Variants in DOCK11 observed in about 807,000 individuals in gnomAD.
The protein encoded by DOCK11 is dedicator of cytokinesis 11.
In DOCK11, 70 loss-of-function variants were observed where a neutral mutation model predicts 169.1. The ratio of observed to expected loss-of-function variants is 0.41; its 90% CI spans 0.34 to 0.51. The LOEUF is 0.51. Ranked by LOEUF, DOCK11 falls within the 20% of genes least tolerant of loss-of-function variation. The pLI is 0.10. For missense variants in DOCK11, 1,166 were observed against 1,538.8 expected, an observed-to-expected ratio of 0.76 and a Z score of 4.05; for synonymous variants, 529 against 541.3, an observed-to-expected ratio of 0.98 and a Z score of 0.32.
intron 1 of DOCK11, among the ~76,000 whole-genome samples, chrX:118,520,896 A>G (rs1041919929): frequency 8.9e-6 from 1 of 111,833 alleles, no homozygotes; most frequent in African/African-American, 3.3e-5. Flanking sequence ...TTGGAGTTCT[A>G]AGTAGTACAA....
At chrX:118,633,368 TCTC>T (rs1198801594) in intron 35 of DOCK11, 2 of 112,229 alleles carry the variant, frequency 1.8e-5, no homozygotes, top group Non-Finnish European at 3.8e-5. Context: ...AGTTGGGTAT[TCTC>T]CTGGGGAGAT....
At chrX:118,562,670 A>G (rs2012950697) in intron 7 of DOCK11, among the ~76,000 whole-genome samples, 1 of 111,858 alleles carries the variant, frequency 8.9e-6, no homozygotes, top group African/African-American at 3.3e-5. Flanking sequence ...AAAGCGTTGC[A>G]CACATATATG....
At chrX:118,565,231 GC>G (rs1407507738) in intron 7 of DOCK11, among the ~76,000 whole-genome samples, 1 of 111,179 alleles carries the variant, frequency 9.0e-6, no homozygotes, top group Non-Finnish European at 1.9e-5. Context: ...GTGGGCCACT[GC>G]CCCCATCTTT....
At chrX:118,591,139 C>T (rs1435698262) in intron 19 of DOCK11, among the ~76,000 whole-genome samples, 1 of 112,185 alleles carries the variant, frequency 8.9e-6, no homozygotes, top group Non-Finnish European at 1.9e-5. Flanking sequence ...GGTCTGAAAC[C>T]ATCCCCCCGG....
In DOCK11 at chrX:118,685,913, C is replaced by T. The variant is rs186120856; in HGVS notation, c.*106C>T. On this transcript the variant is annotated 3_prime_UTR_variant, in exon 53 of 53. Transcript: ENST00000276202. ...TTGATATACATGGAGTGTTTCTTCT[C>T]GACACCAAAATTTTCATGTGTTCCA... 172 of 1,012,685 alleles carry T rather than the reference C, an allele frequency of 1.7e-4. 1 individual carries two copies. In the South Asian group the frequency reaches 2.4e-3, roughly 14 times the overall value. The allele number at this position is 1,012,685 out of a possible 1,213,427, so 83.5% of individuals were successfully genotyped here.
intron 31 of DOCK11, among the ~76,000 whole-genome samples, chrX:118,623,906 GAAAT>G (rs1415794250): frequency 8.9e-6 from 1 of 112,561 alleles, no homozygotes; most frequent in Non-Finnish European, 1.9e-5. Flanking sequence ...GCTGAGGAAA[GAAAT>G]AAATTTGTAT....
chrX:118,637,486 G>C (rs1312674787), intron 36 of DOCK11, among the ~76,000 whole-genome samples: 1 of 112,070 alleles, frequency 8.9e-6, no homozygotes, highest in African/African-American at 3.2e-5. Flanking sequence ...CGGGCCAGGC[G>C]TGGTGGCTCA....
rs1395331993 is a variant in DOCK11 at position 118,546,232 on chromosome X, GGA to G, written c.558+120_558+121del. The G allele has an allele frequency of 1.8e-5, 5 of 281,643 alleles. No homozygotes were observed. In the African/African-American group the frequency reaches 2.3e-4, roughly 13 times the overall value. 23.2% of individuals were successfully genotyped at this position (281,643 alleles called of 1,213,427 possible). A position where few individuals can be genotyped will look rare whatever the true frequency, so the allele number is the denominator to read the frequency against. On this transcript the variant is annotated intron_variant, in intron 6 of 52. Coordinates refer to ENST00000276202, the MANE Select transcript of DOCK11 (RefSeq NM_144658.4). ...TAGCAAAAAAAAAAAAAAAAAAAAA[GGA>G]GAGGATTCTCACAGACGTATGGAAT...
Position 118,648,987 on chromosome X carries a change from G to T in DOCK11, c.4441G>T (p.Ala1481Ser), listed in dbSNP as rs1378299454. The part of the protein sequence containing the change: ...FFKGRVNMCA[A>S]FCYEVLKCCT... The stretch of plus-strand genomic sequence containing the variant: ...CAAAGGAAGAGTAAACATGTGTGCT[G>T]CATTTTGCTATGAGGTTTTAAAGTG... Residue 1481 changes from alanine to serine, a missense_variant, in exon 41 of 53, where the codon GCA becomes TCA. Physicochemically the swap from Ala to Ser is moderately conservative, Grantham distance 99. Transcript: ENST00000276202. 2.5e-6 allele frequency: 3 copies of T among 1,206,095 alleles called. No homozygotes were observed. Among genetic ancestry groups the T allele is most frequent in the Non-Finnish European group, 3.4e-6 (3 of 893,307 alleles).
At chrX:118,626,611 T>A (rs2015111966) in intron 32 of DOCK11, among the ~76,000 whole-genome samples, 1 of 111,338 alleles carries the variant, frequency 9.0e-6, no homozygotes, top group African/African-American at 3.3e-5. Context: ...AAATTCCCCC[T>A]ATGAAATGCT....
intron 1 of DOCK11, among the ~76,000 whole-genome samples, chrX:118,531,388 C>G: frequency 1.4e-5 from 1 of 70,933 alleles, no homozygotes; most frequent in Non-Finnish European, 2.4e-5. Flanking sequence ...CCAGGAGGTT[C>G]GGGGCTGCAG....
intron 1 of DOCK11, among the ~76,000 whole-genome samples, chrX:118,525,831 A>G (rs1355509902): frequency 8.9e-6 from 1 of 111,738 alleles, no homozygotes; most frequent in Non-Finnish European, 1.9e-5. Context: ...AGGAAAAAAA[A>G]AGAAAAAGAA....
chrX:118,675,826 G>A, intron 46 of DOCK11, 110 bp from the exon 47 acceptor site: 1 of 435,928 alleles, frequency 2.3e-6, no homozygotes, highest in Non-Finnish European at 3.8e-6. Flanking sequence ...GCCCCACCAA[G>A]ACCATTTTGA....
chrX:118,677,288 T>C (rs2016632847), intron 48 of DOCK11, among the ~76,000 whole-genome samples: 1 of 112,307 alleles, frequency 8.9e-6, no homozygotes, highest in Non-Finnish European at 1.9e-5. Context: ...TGAGCCTTGC[T>C]CTAAAGGTTA....
At chrX:118,652,132 T>C (rs1312720768) in intron 42 of DOCK11, 55 bp downstream of exon 42, 2 of 752,506 alleles carry the variant, frequency 2.7e-6, no homozygotes, top group Non-Finnish European at 4.0e-6. Context: ...CAGGGAAGTT[T>C]AAACTCTTAA....
At chrX:118,658,653 T>C (rs2016139538) in intron 44 of DOCK11, among the ~76,000 whole-genome samples, 1 of 112,506 alleles carries the variant, frequency 8.9e-6, no homozygotes. Flanking sequence ...TAAGGATCAC[T>C]ATTCTCTTCC....
At chrX:118,643,017 C>T (rs2015569972) in intron 39 of DOCK11, among the ~76,000 whole-genome samples, 1 of 111,844 alleles carries the variant, frequency 8.9e-6, no homozygotes, top group Admixed American at 9.5e-5. Flanking sequence ...ACTAAACATA[C>T]TTTTAAAGTA....
At chrX:118,661,953 GTAATAAT>G (rs1380287878) in intron 44 of DOCK11, among the ~76,000 whole-genome samples, 1 of 112,117 alleles carries the variant, frequency 8.9e-6, no homozygotes, top group African/African-American at 3.2e-5. Flanking sequence ...TTATTTGCTA[GTAATAAT>G]TCATTGAGTA....
intron 6 of DOCK11, among the ~76,000 whole-genome samples, chrX:118,554,787 A>G (rs1481216857): frequency 9.0e-6 from 1 of 111,166 alleles, no homozygotes; most frequent in Non-Finnish European, 1.9e-5. Flanking sequence ...CTCAGTAGTC[A>G]TGGGAGATGA....
Sources: gnomAD v4.1 joint callset for allele counts (sites outside exome capture counted in the v4.1 genomes callset) on GRCh38, gnomAD v4.1.1 for gene constraint, MANE v1.5 for transcripts, NCBI Gene and HGNC (gene_info 2026-07-23, HGNC 2026-07-21) for gene names.